The following IGSF5 variants were observed in gnomAD, a reference collection of about 807,000 sequenced individuals.
The protein encoded by IGSF5 is immunoglobulin superfamily 5 like.
IGSF5 carries 41 observed loss-of-function variants against 39.4 expected under a neutral mutation model. The observed-to-expected ratio is 1.04, with a 90% CI of 0.81 to 1.35. The LOEUF is 1.35. IGSF5 is among the 40% of genes most tolerant of loss of function. The probability of loss-of-function intolerance (pLI) is 0.00; values close to 1 mark genes in which losing one functional copy is unlikely to be tolerated. For missense variants in IGSF5, 487 were observed against 494.6 expected, an observed-to-expected ratio of 0.98 and a Z score of 0.15; for synonymous variants, 183 against 175.3, an observed-to-expected ratio of 1.04 and a Z score of -0.34.
At chr21:39,765,154 G>A (rs2080079914) in intron 2 of IGSF5, among the ~76,000 whole-genome samples, 1 of 152,160 alleles carries the variant, frequency 6.6e-6, no homozygotes, top group African/African-American at 2.4e-5. Flanking sequence ...CTCTTATAGG[G>A]ACACCTGTGA....
At chr21:39,762,022 T>C (rs2080063988) in intron 2 of IGSF5, among the ~76,000 whole-genome samples, 1 of 152,134 alleles carries the variant, frequency 6.6e-6, no homozygotes, top group Non-Finnish European at 1.5e-5. Context: ...CGGAGATGCC[T>C]GGTAGGACAG....
intron 6 of IGSF5, 39 bp downstream of exon 6, chr21:39,788,227 A>C (rs1202002288): frequency 2.1e-6 from 3 of 1,434,066 alleles, no homozygotes; most frequent in Non-Finnish European, 2.9e-6. Context: ...AAAACAAAAC[A>C]AAAAAAATTG....
At chr21:39,771,960 A>G (rs2080117050) in intron 4 of IGSF5, among the ~76,000 whole-genome samples, 1 of 152,232 alleles carries the variant, frequency 6.6e-6, no homozygotes, top group African/African-American at 2.4e-5. Context: ...CCAAAGTGGC[A>G]GAGCTGGGCC....
chr21:39,749,964 C>T (rs755705873), intron 2 of IGSF5, among the ~76,000 whole-genome samples: 35 of 152,212 alleles, frequency 2.3e-4, no homozygotes, highest in Non-Finnish European at 4.3e-4. Flanking sequence ...ATTTACATTG[C>T]CAGGGTGAAA....
chr21:39,771,059 T>A lies in IGSF5; in HGVS notation c.562T>A (p.Tyr188Asn), dbSNP rs1467129175. The A allele has an allele frequency of 6.2e-7, 1 of 1,613,774 alleles. No individual in the cohort carries two copies. The highest frequency in any genetic ancestry group is 8.5e-7 in the Non-Finnish European group (1 of 1,179,868). Residue 188 changes from tyrosine to asparagine, a missense_variant, in exon 4 of 9, where the codon TAT (tyrosine) becomes AAT (asparagine). Transcript: ENST00000380588. ...LGLLVSHSSY[Y>N]FVPEPSDLQS... ...TCTCCTGGTCAGCCATTCAAGCTAT[T>A]ATTTTGTTCCGGAGCCCAGCGACCT...
At chr21:39,753,219 A>G (rs2080014201) in intron 2 of IGSF5, among the ~76,000 whole-genome samples, 1 of 152,120 alleles carries the variant, frequency 6.6e-6, no homozygotes, top group Non-Finnish European at 1.5e-5. Context: ...TGGCTTGCCA[A>G]TTACCCCAGG....
chr21:39,741,951 C>T (rs1376106378), upstream of IGSF5, among the ~76,000 whole-genome samples: 3 of 152,164 alleles, frequency 2.0e-5, no homozygotes, highest in South Asian at 4.2e-4. Flanking sequence ...ATTGCAGGGG[C>T]TACTGTATGG....
chr21:39,774,032 A>G (rs1277635047), intron 4 of IGSF5, among the ~76,000 whole-genome samples: 1 of 152,228 alleles, frequency 6.6e-6, no homozygotes, highest in Non-Finnish European at 1.5e-5. Flanking sequence ...TAGTGCCTTA[A>G]CGATGGTAGC....
At chr21:39,770,141 T>C (rs1442906540) in intron 3 of IGSF5, among the ~76,000 whole-genome samples, 1 of 152,212 alleles carries the variant, frequency 6.6e-6, no homozygotes, top group Non-Finnish European at 1.5e-5. Flanking sequence ...CATATATGTA[T>C]ACACATTTCA....
At chr21:39,746,432 C>T (rs2079975334) in intron 2 of IGSF5, 134 bp downstream of exon 2, 1 of 561,158 alleles carries the variant, frequency 1.8e-6, no homozygotes, top group African/African-American at 1.9e-5. Context: ...TTGCTCCCAT[C>T]CCTCTTTTTC....
the IGSF5 span, among the ~76,000 whole-genome samples, chr21:39,722,322 G>A: frequency 5.9e-5 from 9 of 152,140 alleles, no homozygotes; most frequent in African/African-American, 1.2e-4. Context: ...ACCAATCGTC[G>A]GGTTTTCCTC....
upstream of IGSF5, among the ~76,000 whole-genome samples, chr21:39,741,925 C>G (rs1458783782): frequency 6.6e-6 from 1 of 152,088 alleles, no homozygotes; most frequent in Non-Finnish European, 1.5e-5. Flanking sequence ...GGTTTCTGTA[C>G]TCCTAAAATT....
the IGSF5 span, among the ~76,000 whole-genome samples, chr21:39,734,747 T>C: frequency 4.6e-5 from 7 of 152,254 alleles, no homozygotes; most frequent in Admixed American, 1.3e-4. Flanking sequence ...TTGTAAGTGA[T>C]GTTATCAAAT....
intron 2 of IGSF5, among the ~76,000 whole-genome samples, 151 bp downstream of exon 2, chr21:39,746,449 T>C (rs2079975414): frequency 6.6e-6 from 1 of 152,264 alleles, no homozygotes; most frequent in African/African-American, 2.4e-5. Flanking sequence ...TTTCTATCTC[T>C]ACTTTTTCTC....
At chr21:39,757,680 G>A (rs892561044) in intron 2 of IGSF5, among the ~76,000 whole-genome samples, 13 of 151,386 alleles carry the variant, frequency 8.6e-5, no homozygotes, top group African/African-American at 1.9e-4. Flanking sequence ...GGGTTCAAGC[G>A]ATTCTCCTGC....
At chr21:39,780,526 T>C (rs1173727183) in intron 5 of IGSF5, among the ~76,000 whole-genome samples, 1 of 152,244 alleles carries the variant, frequency 6.6e-6, no homozygotes, top group Non-Finnish European at 1.5e-5. Flanking sequence ...TAAATGGTTG[T>C]TTCCTATTCT....
At chr21:39,716,659 T>C in the IGSF5 span, among the ~76,000 whole-genome samples, 1 of 152,236 alleles carries the variant, frequency 6.6e-6, no homozygotes, top group African/African-American at 2.4e-5. Flanking sequence ...CCATCTGTGT[T>C]CCAGCGAAAC....
At chr21:39,760,484 G>A (rs1429484708) in intron 2 of IGSF5, among the ~76,000 whole-genome samples, 1 of 152,200 alleles carries the variant, frequency 6.6e-6, no homozygotes, top group East Asian at 1.9e-4. Context: ...AAGAGTTGAT[G>A]AGGTTGATAA....
At chr21:39,780,220 A>C (rs2080163486) in intron 5 of IGSF5, among the ~76,000 whole-genome samples, 1 of 152,248 alleles carries the variant, frequency 6.6e-6, no homozygotes. Flanking sequence ...ATAACAATAA[A>C]ATAAAAACCA....
Sources: gnomAD v4.1 joint callset for allele counts (sites outside exome capture counted in the v4.1 genomes callset) on GRCh38, gnomAD v4.1.1 for gene constraint, MANE v1.5 for transcripts, NCBI Gene and HGNC (gene_info 2026-07-23, HGNC 2026-07-21) for gene names.